ZFHX3: variants seen among roughly 807,000 people sequenced by gnomAD.
The protein encoded by ZFHX3 is zinc finger homeobox protein 3.
A neutral mutation model predicts 279.1 loss-of-function variants in ZFHX3; 42 were observed. The ratio of observed to expected loss-of-function variants is 0.15; its 90% confidence interval spans 0.12 to 0.19. The LOEUF (loss-of-function observed/expected upper bound fraction) is 0.19. Ranked by LOEUF, ZFHX3 falls within the 10% of genes least tolerant of loss-of-function variation. The pLI is 1.00. For missense variants in ZFHX3, 4,981 were observed against 4,754.0 expected (o/e 1.05, Z -1.40); for synonymous variants, 2,293 against 1,957.8 (o/e 1.17, Z -4.52).
At chr16:72,977,042 T>C (rs1962380831) in intron 1 of ZFHX3, among the ~76,000 whole-genome samples, 4 of 152,222 alleles carry the variant, frequency 2.6e-5, no homozygotes, top group Admixed American at 2.0e-4. Context: ...CAAATGGTGA[T>C]GAGAAATTGC....
chr16:72,999,252 G>C lies in ZFHX3; in HGVS notation c.-49-39058C>G, dbSNP rs1409534346. 2.6e-5 allele frequency among the ~76,000 whole-genome samples: 4 copies of C among 152,184 alleles called. No individual in the cohort carries two copies. In the South Asian group the frequency reaches 6.2e-4, roughly 24 times the overall value. ...GCAACCTCCGCCTCTCAGGTTCCCAGGTTCAAGCAATTCTCCTGCCTCAGC... is the reference window on the plus strand; with the variant it reads ...GCAACCTCCGCCTCTCAGGTTCCCACGTTCAAGCAATTCTCCTGCCTCAGC... On this transcript the variant is annotated intron_variant, in intron 1 of 9. Coordinates refer to ENST00000268489, the MANE Select transcript of ZFHX3 (RefSeq NM_006885.4).
At chr16:73,182,399 G>A (rs1967816607) in intron 5 of ZFHX3, among the ~76,000 whole-genome samples, 1 of 152,198 alleles carries the variant, frequency 6.6e-6, no homozygotes, top group Non-Finnish European at 1.5e-5. Flanking sequence ...AGAGGTTGCA[G>A]TGAGCCAAGA....
chr16:73,504,371 C>T (rs1311445402), intron 2 of ZFHX3: 1 of 152,138 alleles, frequency 6.6e-6, no homozygotes, highest in African/African-American at 2.4e-5. Context: ...GCCTCAACCC[C>T]CTTCTTCTTC....
At chr16:73,272,621 C>G in intron 4 of ZFHX3, among the ~76,000 whole-genome samples, 1 of 152,122 alleles carries the variant, frequency 6.6e-6, no homozygotes, top group East Asian at 1.9e-4. Context: ...TAGCGTTATT[C>G]CCAACAGTGA....
At chr16:73,250,986 G>A (rs1381309435) in intron 5 of ZFHX3, among the ~76,000 whole-genome samples, 3 of 151,958 alleles carry the variant, frequency 2.0e-5, no homozygotes, top group African/African-American at 7.3e-5. Context: ...TCTGCAATCT[G>A]AGTCATGTGT....
intron 3 of ZFHX3, among the ~76,000 whole-genome samples, chr16:72,921,306 T>A (rs2144239150): frequency 6.6e-6 from 1 of 152,306 alleles, no homozygotes; most frequent in South Asian, 2.1e-4. Flanking sequence ...GGACAAGTGC[T>A]TCACAGAAAT....
At chr16:73,537,866 T>C (rs1332094426) in intron 2 of ZFHX3, among the ~76,000 whole-genome samples, 3 of 152,206 alleles carry the variant, frequency 2.0e-5, no homozygotes, top group Non-Finnish European at 4.4e-5. Context: ...TGAAATCCTA[T>C]GGACTATCAA....
At position 72,798,387 on chromosome 16, in the gene ZFHX3, C is replaced by G. The variant is rs755859154; in HGVS notation, c.4295G>C (p.Cys1432Ser). Residue 1432 changes from cysteine to serine, a missense_variant, in exon 9 of 10, where the codon TGT (cysteine) becomes TCT (serine). Cys to Ser is a moderately radical substitution (Grantham distance 112). Coordinates refer to ENST00000268489, the MANE Select transcript of ZFHX3 (RefSeq NM_006885.4). ...YHVIRAATMC[C>S]LCQRSFRTFQ... ...AGTTCGGAAACTGCGCTGACAAAGA[C>G]AGCACATGGTGGCAGCTCTGATCAC... The G allele has an allele frequency of 6.2e-6, 10 of 1,614,218 alleles. No individual in the cohort carries two copies. The highest frequency in any genetic ancestry group is 8.5e-6 in the Non-Finnish European group (10 of 1,180,048).
chr16:72,917,072 C>T, intron 3 of ZFHX3, among the ~76,000 whole-genome samples: 1 of 152,072 alleles, frequency 6.6e-6, no homozygotes, highest in Non-Finnish European at 1.5e-5. Flanking sequence ...AACCCCATCG[C>T]TACAAAAAAA....
intron 5 of ZFHX3, among the ~76,000 whole-genome samples, chr16:73,194,032 C>T (rs1450413165): frequency 6.6e-6 from 1 of 152,170 alleles, no homozygotes; most frequent in Non-Finnish European, 1.5e-5. Flanking sequence ...CTTCTGAGGG[C>T]CACGGCTTGT....
chr16:73,141,490 T>C (rs1374044383), intron 6 of ZFHX3, among the ~76,000 whole-genome samples: 1 of 151,988 alleles, frequency 6.6e-6, no homozygotes, highest in Non-Finnish European at 1.5e-5. Flanking sequence ...CTCGAACTCC[T>C]GGGCTCAAGG....
intron 1 of ZFHX3, among the ~76,000 whole-genome samples, chr16:72,962,100 T>C (rs1961608452): frequency 6.6e-6 from 1 of 152,150 alleles, no homozygotes; most frequent in South Asian, 2.1e-4. Flanking sequence ...AGCCCGATTG[T>C]AAAATCAATG....
At chr16:73,792,856 A>ACCCCCCCCCCCCCCCC (rs55813623) in intron 1 of ZFHX3, among the ~76,000 whole-genome samples, 3 of 135,100 alleles carry the variant, frequency 2.2e-5, no homozygotes, top group African/African-American at 5.8e-5. Flanking sequence ...CATACAGTGC[A>ACCCCCCCCCCCCCCCC]CCCCCCCCCT....
intron 5 of ZFHX3, among the ~76,000 whole-genome samples, chr16:72,825,244 C>T (rs2036903593): frequency 6.6e-6 from 1 of 152,218 alleles, no homozygotes; most frequent in Admixed American, 6.5e-5. Flanking sequence ...CAGCTCCTTA[C>T]AAGACATATA....
At chr16:73,522,500 G>A (rs1038855419) in intron 2 of ZFHX3, among the ~76,000 whole-genome samples, 4 of 152,120 alleles carry the variant, frequency 2.6e-5, no homozygotes, top group South Asian at 2.1e-4. Flanking sequence ...ACTGGGATTC[G>A]GGAAAATGGT....
chr16:73,329,504 G>C (rs1052797051), intron 3 of ZFHX3, among the ~76,000 whole-genome samples: 4 of 152,252 alleles, frequency 2.6e-5, no homozygotes, highest in Non-Finnish European at 5.9e-5. Context: ...CATGCCAGCT[G>C]CTCCAAGAGG....
intron 3 of ZFHX3, among the ~76,000 whole-genome samples, chr16:72,934,132 A>G (rs542798490): frequency 5.3e-5 from 8 of 152,246 alleles, no homozygotes; most frequent in African/African-American, 1.7e-4. Context: ...CTTTCTTTTA[A>G]AAGTTAGAGT....
At chr16:73,604,257 C>T (rs1431782942) in intron 2 of ZFHX3, among the ~76,000 whole-genome samples, 1 of 151,358 alleles carries the variant, frequency 6.6e-6, no homozygotes, top group Admixed American at 6.6e-5. Context: ...TTTTTTTTCC[C>T]CCATTTTTTC....
At chr16:73,514,204 C>T (rs1224970140) in intron 2 of ZFHX3, among the ~76,000 whole-genome samples, 6 of 151,920 alleles carry the variant, frequency 3.9e-5, no homozygotes, top group African/African-American at 7.3e-5. Flanking sequence ...GCCAAGATTG[C>T]GCCCCTGCAC....
Sources: allele counts gnomAD v4.1 joint callset (sites outside exome capture counted in the v4.1 genomes callset), GRCh38; gene constraint gnomAD v4.1.1; transcripts MANE v1.5; gene names NCBI Gene and HGNC (gene_info 2026-07-23, HGNC 2026-07-21).